The following IQSEC1 variants were observed in gnomAD, a reference collection of about 807,000 sequenced individuals.
IQSEC1 encodes the protein IQ motif and Sec7 domain ArfGEF 1.
A neutral mutation model predicts 91.0 loss-of-function variants in IQSEC1; 31 were observed. The observed-to-expected ratio is 0.34, with a 90% confidence interval of 0.26 to 0.46. The LOEUF (loss-of-function observed/expected upper bound fraction) is 0.46. IQSEC1 is among the 20% of genes least tolerant of loss of function. The pLI is 1.00. For missense variants in IQSEC1, 1,388 were observed against 1,575.6 expected (o/e 0.88, Z 2.02); for synonymous variants, 699 against 662.6 (o/e 1.05, Z -0.84).
At chr3:12,969,939 T>C (rs539867853) in intron 1 of IQSEC1, among the ~76,000 whole-genome samples, 39 of 152,356 alleles carry the variant, frequency 2.6e-4, no homozygotes, top group African/African-American at 8.7e-4. Context: ...ATTAATAATT[T>C]AGGGAACTGT....
At chr3:13,229,877 G>A (rs1407835309) in intron 1 of IQSEC1, among the ~76,000 whole-genome samples, 12 of 152,132 alleles carry the variant, frequency 7.9e-5, no homozygotes, top group African/African-American at 2.2e-4. Context: ...TGCTTGCTTC[G>A]GTTTCTTCAT....
At chr3:12,902,625 A>G in intron 13 of IQSEC1, 148 bp downstream of exon 13, 1 of 613,640 alleles carries the variant, frequency 1.6e-6, no homozygotes, top group Non-Finnish European at 2.8e-6. Flanking sequence ...ATCTCTGTGC[A>G]GTAGGGGAAG....
At chr3:12,906,633 G>A (rs926050576) in intron 12 of IQSEC1, among the ~76,000 whole-genome samples, 5 of 152,178 alleles carry the variant, frequency 3.3e-5, no homozygotes, top group South Asian at 2.1e-4. Flanking sequence ...AACAGCAATC[G>A]TCACACTACA....
At chr3:12,999,413 A>C (rs1283669545) in intron 1 of IQSEC1, among the ~76,000 whole-genome samples, 1 of 152,034 alleles carries the variant, frequency 6.6e-6, no homozygotes, top group Non-Finnish European at 1.5e-5. Context: ...TTCCTTCTTC[A>C]TTCTCCCATT....
intron 1 of IQSEC1, among the ~76,000 whole-genome samples, chr3:13,007,272 C>T (rs916105037): frequency 3.9e-5 from 6 of 152,242 alleles, no homozygotes; most frequent in African/African-American, 1.4e-4. Context: ...GACTCTGTCT[C>T]CAGCTGGTAT....
chr3:13,192,361 A>G (rs960143749), intron 1 of IQSEC1, among the ~76,000 whole-genome samples: 13 of 151,928 alleles, frequency 8.6e-5, no homozygotes, highest in African/African-American at 2.9e-4. Flanking sequence ...AAAAGAAAAG[A>G]AAAGAAAGCA....
chr3:13,124,694 G>A (rs1043162661), intron 2 of IQSEC1, among the ~76,000 whole-genome samples: 1 of 152,132 alleles, frequency 6.6e-6, no homozygotes, highest in East Asian at 1.9e-4. Context: ...CATTATTCGT[G>A]GTGTACTTGG....
chr3:13,037,216 T>TGCCTTACC (rs1371097685), intron 1 of IQSEC1, among the ~76,000 whole-genome samples: 1 of 152,142 alleles, frequency 6.6e-6, no homozygotes, highest in African/African-American at 2.4e-5. Flanking sequence ...TAAGGCTACA[T>TGCCTTACC]ACTGCCAGGG....
intron 1 of IQSEC1, among the ~76,000 whole-genome samples, chr3:13,166,515 C>T (rs1467191362): frequency 6.6e-6 from 1 of 152,222 alleles, no homozygotes; most frequent in African/African-American, 2.4e-5. Context: ...CCCTTACTGG[C>T]TTCCAGGTGG....
chr3:13,054,629 A>G (rs1486218178), intron 1 of IQSEC1, among the ~76,000 whole-genome samples: 1 of 152,222 alleles, frequency 6.6e-6, no homozygotes, highest in African/African-American at 2.4e-5. Flanking sequence ...CCTTGAGCTC[A>G]GGGACGGGAT....
At chr3:13,041,876 C>T (rs954360975) in intron 1 of IQSEC1, among the ~76,000 whole-genome samples, 4 of 152,224 alleles carry the variant, frequency 2.6e-5, no homozygotes, top group African/African-American at 9.6e-5. Context: ...CTCTGCCTCC[C>T]CAAACTTGTG....
chr3:13,045,538 G>A (rs1704462269), intron 1 of IQSEC1, among the ~76,000 whole-genome samples: 1 of 152,206 alleles, frequency 6.6e-6, no homozygotes, highest in African/African-American at 2.4e-5. Context: ...CTGAGGTCAA[G>A]TGTGGCTCCA....
chr3:12,990,158 G>A (rs1701922719), intron 1 of IQSEC1, among the ~76,000 whole-genome samples: 1 of 152,208 alleles, frequency 6.6e-6, no homozygotes, highest in Non-Finnish European at 1.5e-5. Flanking sequence ...TTACTATCCT[G>A]ATAGCTTTCC....
At chr3:13,228,134 A>G (rs1346872700) in intron 1 of IQSEC1, among the ~76,000 whole-genome samples, 1 of 152,118 alleles carries the variant, frequency 6.6e-6, no homozygotes, top group Admixed American at 6.5e-5. Flanking sequence ...TGAAAAGTCC[A>G]TCTTTTCCAC....
intron 1 of IQSEC1, among the ~76,000 whole-genome samples, chr3:12,969,808 C>T (rs1450528033): frequency 1.3e-5 from 2 of 152,190 alleles, no homozygotes; most frequent in Middle Eastern, 3.2e-3. Flanking sequence ...GATTGAATTT[C>T]GCTGTTAGCA....
chr3:12,915,568 A>G (rs1332741571), intron 7 of IQSEC1, 26 bp downstream of exon 7: 2 of 1,609,172 alleles, frequency 1.2e-6, no homozygotes, highest in Admixed American at 3.3e-5. Flanking sequence ...GCTGGGGCCC[A>G]CCACGTACCA....
At chr3:12,917,584 T>C (rs1696221100) in intron 6 of IQSEC1, among the ~76,000 whole-genome samples, 2 of 152,342 alleles carry the variant, frequency 1.3e-5, no homozygotes, top group South Asian at 4.1e-4. Flanking sequence ...CTCACTTCTC[T>C]TTCGTGCTGA....
upstream of IQSEC1, among the ~76,000 whole-genome samples, chr3:13,074,353 T>TA (rs1559249487): frequency 6.6e-6 from 1 of 152,066 alleles, no homozygotes; most frequent in African/African-American, 2.4e-5. Context: ...CGTGGTGCAG[T>TA]GTGCGACAGG....
chr3:13,061,225 T>C (rs1705058963), intron 1 of IQSEC1, among the ~76,000 whole-genome samples: 1 of 152,116 alleles, frequency 6.6e-6, no homozygotes, highest in Non-Finnish European at 1.5e-5. Context: ...GCCGGCAGCA[T>C]GGGCATGACT....
Sources: gnomAD v4.1 joint callset for allele counts (sites outside exome capture counted in the v4.1 genomes callset) on GRCh38, gnomAD v4.1.1 for gene constraint, MANE v1.5 for transcripts, NCBI Gene and HGNC (gene_info 2026-07-23, HGNC 2026-07-21) for gene names.